Variants in TMEM131L observed in about 807,000 individuals in gnomAD.
TMEM131L encodes transmembrane 131 like, also known as transmembrane protein 131-like.
In TMEM131L, 54 loss-of-function variants were observed where a neutral mutation model predicts 192.2. That is an observed-to-expected ratio of 0.28 (90% CI 0.23 to 0.35). TMEM131L has a LOEUF of 0.35. TMEM131L is among the 10% of genes least tolerant of loss of function. The probability of loss-of-function intolerance (pLI) is 1.00; values close to 1 mark genes in which losing one functional copy is unlikely to be tolerated. For synonymous variants in TMEM131L, 701 were observed against 704.9 expected (o/e 0.99, Z 0.09); for missense variants, 1,888 against 1,972.9 (o/e 0.96, Z 0.82).
At chr4:153,468,141 T>C (rs190649531) in intron 2 of TMEM131L, among the ~76,000 whole-genome samples, 1 of 152,328 alleles carries the variant, frequency 6.6e-6, no homozygotes, top group Admixed American at 6.5e-5. Context: ...TGCGGCTGTT[T>C]AGAAAAACAG....
chr4:153,577,554 G>A (rs1291074398), intron 7 of TMEM131L, among the ~76,000 whole-genome samples: 1 of 152,154 alleles, frequency 6.6e-6, no homozygotes, highest in Non-Finnish European at 1.5e-5. Context: ...AAAGGAACGG[G>A]CATGGCTGTG....
At chr4:153,530,888 T>C (rs1489142204) in intron 3 of TMEM131L, among the ~76,000 whole-genome samples, 5 of 152,206 alleles carry the variant, frequency 3.3e-5, no homozygotes, top group African/African-American at 1.2e-4. Context: ...TCTGGGAGTC[T>C]TTCCTGGAGG....
chr4:153,614,646 C>G (rs191706140), intron 26 of TMEM131L, among the ~76,000 whole-genome samples: 119 of 152,132 alleles, frequency 7.8e-4, no homozygotes, highest in African/African-American at 2.7e-3. Flanking sequence ...ATGCCTGTTA[C>G]GTAGAATCAG....
intron 31 of TMEM131L, among the ~76,000 whole-genome samples, chr4:153,629,566 T>C (rs1307167833): frequency 1.3e-5 from 2 of 152,210 alleles, no homozygotes; most frequent in Non-Finnish European, 2.9e-5. Context: ...CCCCTGTCAT[T>C]AGGAGACTCC....
intron 31 of TMEM131L, among the ~76,000 whole-genome samples, chr4:153,631,405 G>A (rs1189987869): frequency 1.3e-5 from 2 of 152,172 alleles, no homozygotes; most frequent in African/African-American, 2.4e-5. Context: ...GTTCCCCTGA[G>A]CCCCATGGGG....
chr4:153,535,174 G>A (rs890697974), intron 3 of TMEM131L, among the ~76,000 whole-genome samples: 2 of 152,174 alleles, frequency 1.3e-5, no homozygotes, highest in Non-Finnish European at 2.9e-5. Flanking sequence ...TGGGATTTCC[G>A]ATGGATGGGA....
intron 31 of TMEM131L, among the ~76,000 whole-genome samples, chr4:153,629,179 G>T: frequency 6.6e-6 from 1 of 152,112 alleles, no homozygotes; most frequent in East Asian, 1.9e-4. Context: ...TTCACATAGT[G>T]CCTGTGTCCT....
At position 153,550,010 on chromosome 4, in the gene TMEM131L, G is replaced by T. The variant is rs1433695780; in HGVS notation, c.240-63G>T. On this transcript the variant is annotated intron_variant, in intron 3 of 34. Transcript: ENST00000409959. The stretch of plus-strand genomic sequence containing the variant: ...CATTGAGAGTCATTAGTCTAAGTAC[G>T]TTATATCTCAGCATTTAAATGTTAA... 8 of 770,534 alleles carry T rather than the reference G, an allele frequency of 1.0e-5. No individual in the cohort carries two copies. The East Asian group carries it at 2.3e-4, about 22-fold the overall frequency. The allele number at this position is 770,534 out of a possible 1,614,324, so 47.7% of individuals were successfully genotyped here.
At chr4:153,594,248 CT>C (rs1731274568) in intron 19 of TMEM131L, among the ~76,000 whole-genome samples, 1 of 152,208 alleles carries the variant, frequency 6.6e-6, no homozygotes, top group Non-Finnish European at 1.5e-5. Flanking sequence ...AAAAAATCTT[CT>C]CTTACTAAAC....
At chr4:153,497,958 A>G (rs1209942231) in intron 3 of TMEM131L, among the ~76,000 whole-genome samples, 1 of 151,756 alleles carries the variant, frequency 6.6e-6, no homozygotes, top group South Asian at 2.1e-4. Flanking sequence ...GCTTCTACAG[A>G]CATCCTTAAG....
Position 153,598,705 on chromosome 4 carries a change from G to C in TMEM131L, c.2239G>C (p.Glu747Gln), listed in dbSNP as rs748331510. ...AGGSLRFKVP[E>Q]STLMDCRRQL... ...AGGCTCACTCCGATTTAAGGTGCCC[G>C]AGTCCACGCTGATGGACTGCCGTAG... Residue 747 changes from glutamate (E) to glutamine (Q), a missense_variant, in exon 21 of 35, where the codon GAG (glutamate) becomes CAG (glutamine). By Grantham distance (29) the Glu-to-Gln change is conservative. Transcript: ENST00000409959. 4.3e-6 allele frequency: 7 copies of C among 1,613,896 alleles called. No homozygotes were observed. Among genetic ancestry groups the C allele is most frequent in the Non-Finnish European group, 5.9e-6 (7 of 1,179,874 alleles).
intron 11 of TMEM131L, 29 bp downstream of exon 11, chr4:153,583,701 G>C (rs1730517113): frequency 1.5e-6 from 2 of 1,305,910 alleles, no homozygotes; most frequent in Non-Finnish European, 2.2e-6. Flanking sequence ...ATTGTCATTT[G>C]ACTTTTGTTA....
At chr4:153,584,012 A>G (rs1228684218) in intron 11 of TMEM131L, among the ~76,000 whole-genome samples, 1 of 152,350 alleles carries the variant, frequency 6.6e-6, no homozygotes, top group Non-Finnish European at 1.5e-5. Flanking sequence ...TAAAATGCAC[A>G]TATTTACTCT....
At chr4:153,574,831 G>C (rs780430280) in intron 7 of TMEM131L, among the ~76,000 whole-genome samples, 1 of 152,060 alleles carries the variant, frequency 6.6e-6, no homozygotes, top group Admixed American at 6.6e-5. Flanking sequence ...CGAGTGATCC[G>C]CCCTCCTTGG....
At chr4:153,634,399 A>T in intron 33 of TMEM131L, 119 bp downstream of exon 33, 1 of 782,038 alleles carries the variant, frequency 1.3e-6, no homozygotes, top group Non-Finnish European at 2.2e-6. Context: ...ATGAGCTTGC[A>T]GTAGACTGCC....
At position 153,585,542 on chromosome 4, in the gene TMEM131L, C is replaced by T. The variant is rs1379758430; in HGVS notation, c.1242C>T (p.Arg414=). Residue 414 remains arginine (R), a synonymous_variant, in exon 13 of 35, where the codon CGC becomes CGT. Coordinates refer to ENST00000409959, the MANE Select transcript of TMEM131L (RefSeq NM_001131007.2). ...CAGGACTTTGGTCAATATGGTACCG[C>T]AACCATTTTGACCGTAGTGTTGTAT... ...NTSGLWSIWY[R]NHFDRSVVLN... 1.2e-6 allele frequency: 2 copies of T among 1,613,824 alleles called. No homozygotes were observed. The highest frequency in any genetic ancestry group is 1.7e-5 in the Admixed American group (1 of 60,014).
intron 7 of TMEM131L, among the ~76,000 whole-genome samples, chr4:153,575,494 T>C (rs1374360104): frequency 6.6e-6 from 1 of 152,156 alleles, no homozygotes; most frequent in Non-Finnish European, 1.5e-5. Context: ...GTTAAAAAAG[T>C]ACTGACTGCA....
At chr4:153,581,621 G>A in intron 9 of TMEM131L, 61 bp downstream of exon 9, 1 of 1,182,524 alleles carries the variant, frequency 8.5e-7, no homozygotes, top group Non-Finnish European at 1.2e-6. Flanking sequence ...TCATTCTATA[G>A]CATTTATGAA....
intron 3 of TMEM131L, among the ~76,000 whole-genome samples, chr4:153,512,992 T>C (rs1160247654): frequency 6.6e-6 from 1 of 152,236 alleles, no homozygotes; most frequent in African/African-American, 2.4e-5. Flanking sequence ...AAATCACCAG[T>C]CTGTCATGCC....
Sources: gnomAD v4.1 joint callset for allele counts (sites outside exome capture counted in the v4.1 genomes callset) on GRCh38, gnomAD v4.1.1 for gene constraint, MANE v1.5 for transcripts, NCBI Gene and HGNC (gene_info 2026-07-23, HGNC 2026-07-21) for gene names.